The following TOP2B variants were observed in gnomAD, a reference collection of about 807,000 sequenced individuals.
TOP2B encodes the protein DNA topoisomerase II beta.
A neutral mutation model predicts 193.5 loss-of-function variants in TOP2B; 51 were observed. The ratio of observed to expected loss-of-function variants is 0.26; its 90% CI spans 0.21 to 0.33. TOP2B has a LOEUF of 0.33. Among genes scored for constraint, TOP2B ranks in the 10% least tolerant of loss-of-function variants. The probability of loss-of-function intolerance (pLI) is 1.00; values close to 1 mark genes in which losing one functional copy is unlikely to be tolerated. For synonymous variants in TOP2B, 634 were observed against 635.7 expected (o/e 1.00, Z 0.04); for missense variants, 1,378 against 1,909.3 (o/e 0.72, Z 5.19).
chr3:25,653,135 G>A (rs141162568), intron 1 of TOP2B, among the ~76,000 whole-genome samples: 2,392 of 152,218 alleles, frequency 0.016, 88 homozygotes, highest in Admixed American at 0.091. Flanking sequence ...AGATGAAACA[G>A]TAATCAAAAA....
At chr3:25,662,573 T>G (rs1703948421) in intron 1 of TOP2B, among the ~76,000 whole-genome samples, 1 of 152,234 alleles carries the variant, frequency 6.6e-6, no homozygotes, top group South Asian at 2.1e-4. Flanking sequence ...TAAGTCAATT[T>G]CAGTTTCAAA....
At chr3:25,600,557 G>A (rs533051561) in intron 34 of TOP2B, among the ~76,000 whole-genome samples, 27 of 152,182 alleles carry the variant, frequency 1.8e-4, no homozygotes, top group Non-Finnish European at 3.8e-4. Context: ...ATAAAAGGTA[G>A]AGCAGCTACC....
At position 25,644,537 on chromosome 3, in the gene TOP2B, C is replaced by G. The variant is rs1703356987; in HGVS notation, c.241-753G>C. On this transcript the variant is annotated intron_variant, in intron 2 of 35. Transcript: ENST00000264331. ...CCAACATGGCAAAACACTGTCTCTA[C>G]TAACAACACAAAAATTAGCCAGGCG... Among the ~76,000 whole-genome samples, 4 of 152,038 alleles carry G rather than the reference C, an allele frequency of 2.6e-5. No individual in the cohort carries two copies. In the South Asian group the frequency reaches 8.3e-4, roughly 32 times the overall value.
At position 25,604,936 on chromosome 3, in the gene TOP2B, C is replaced by G. The variant is rs528363223; in HGVS notation, c.4379-66G>C. 1.3e-5 allele frequency: 15 copies of G among 1,158,880 alleles called. No individual in the cohort carries two copies. In the Admixed American group the frequency reaches 1.4e-4, roughly 10 times the overall value. The allele number at this position is 1,158,880 out of a possible 1,614,324, so 71.8% of individuals were successfully genotyped here. A position where few individuals can be genotyped will look rare whatever the true frequency, so the allele number is the denominator to read the frequency against. ...AAAGATCTCTCAGTAAACTTTGACTCTTTTAACTGATGACTTCCCTTTAGC... is the reference window on the plus strand; with the variant it reads ...AAAGATCTCTCAGTAAACTTTGACTGTTTTAACTGATGACTTCCCTTTAGC... On this transcript the variant is annotated intron_variant, in intron 32 of 35. Transcript: ENST00000264331.
At position 25,604,822 on chromosome 3, in the gene TOP2B, G is replaced by A. The variant is rs745398662; in HGVS notation, c.4427C>T (p.Ser1476Leu). The A allele has an allele frequency of 1.2e-6, 2 of 1,612,694 alleles. No individual in the cohort carries two copies. Among genetic ancestry groups the A allele is most frequent in the Non-Finnish European group, 1.7e-6 (2 of 1,179,328 alleles). ...TGTCTGTTTCAGACCAAATGATGGTGAAAAAACAGAAGCAGAATCTTCTTC... is the reference window on the plus strand; with the variant it reads ...TGTCTGTTTCAGACCAAATGATGGTAAAAAAACAGAAGCAGAATCTTCTTC... ...SNEEDSASVFSPSFGLKQTDK... is the reference protein window; with the variant it reads ...SNEEDSASVFLPSFGLKQTDK... The change falls in exon 33 of 36, where the codon TCA becomes TTA. Residue 1476 changes from serine to leucine, a missense_variant. This residue lies in a region of TOP2B where 556 missense variants were observed against 584.2 expected (regional missense o/e 0.95). Coordinates refer to ENST00000264331, the MANE Select transcript of TOP2B (RefSeq NM_001330700.2).
intron 2 of TOP2B, 62 bp from the exon 3 acceptor site, chr3:25,643,846 T>C (rs1468945348): frequency 2.3e-5 from 28 of 1,218,174 alleles, no homozygotes; most frequent in Non-Finnish European, 3.3e-5. Context: ...TTTTTCATAG[T>C]ATAATCCACA....
intron 23 of TOP2B, among the ~76,000 whole-genome samples, chr3:25,619,541 G>C (rs1702602113): frequency 6.6e-6 from 1 of 152,008 alleles, no homozygotes; most frequent in Non-Finnish European, 1.5e-5. Context: ...CAGTTAAAAT[G>C]CTAATAGAGA....
At chr3:25,601,909 G>A (rs976850082) in intron 33 of TOP2B, among the ~76,000 whole-genome samples, 2 of 152,080 alleles carry the variant, frequency 1.3e-5, no homozygotes, top group African/African-American at 4.8e-5. Flanking sequence ...AGAAAAAAAT[G>A]TATGGGATCC....
intron 1 of TOP2B, among the ~76,000 whole-genome samples, chr3:25,656,033 C>CA (rs900795265): frequency 6.6e-6 from 1 of 151,256 alleles, no homozygotes; most frequent in Non-Finnish European, 1.5e-5. Context: ...TTTTTTACAA[C>CA]AAAAAAAATT....
Position 25,635,950 on chromosome 3 carries a change from C to G in TOP2B, c.838G>C (p.Gly280Arg), listed in dbSNP as rs867773200. 6.2e-7 allele frequency: 1 copy of G among 1,612,714 alleles called. No individual in the cohort carries two copies. The highest frequency in any genetic ancestry group is 8.5e-7 in the Non-Finnish European group (1 of 1,179,094). The change falls in exon 7 of 36, where the codon GGA becomes CGA. Residue 280 changes from glycine (G) to arginine (R), a missense_variant. Physicochemically the swap from Gly to Arg is moderately radical, Grantham distance 125 (BLOSUM62 -2). Transcript: ENST00000264331. ...SCRGVKVMFN[G>R]KKLPVNGFRS... ...AGGACACTTACAGGCAATTTCTTTC[C>G]ATTAAACATGACCTTGACCCCTCTA...
chr3:25,638,777 T>C (rs1163653987), intron 4 of TOP2B, among the ~76,000 whole-genome samples: 4 of 152,180 alleles, frequency 2.6e-5, no homozygotes, highest in African/African-American at 4.8e-5. Flanking sequence ...TGGAACTGGC[T>C]ATCAAACTCA....
chr3:25,661,395 AT>A (rs1026354095), intron 1 of TOP2B, among the ~76,000 whole-genome samples: 6 of 152,266 alleles, frequency 3.9e-5, no homozygotes, highest in African/African-American at 1.4e-4. Flanking sequence ...TCCATTAAAA[AT>A]TTTTTTTAAT....
chr3:25,598,538 CTATCACTCCT>C, intron 35 of TOP2B, 61 bp from the exon 36 acceptor site: 1 of 1,313,092 alleles, frequency 7.6e-7, no homozygotes, highest in Non-Finnish European at 1.0e-6. Flanking sequence ...GTATTAAGAA[CTATCACTCCT>C]TAAACTTCGC....
At chr3:25,605,391 C>A (rs1559491298) in intron 32 of TOP2B, among the ~76,000 whole-genome samples, 1 of 152,000 alleles carries the variant, frequency 6.6e-6, no homozygotes, top group African/African-American at 2.4e-5. Flanking sequence ...TTCCCTAACA[C>A]CATAGCACAA....
chr3:25,659,171 T>C (rs1353187295), intron 1 of TOP2B, among the ~76,000 whole-genome samples: 1 of 152,120 alleles, frequency 6.6e-6, no homozygotes, highest in Non-Finnish European at 1.5e-5. Flanking sequence ...CCCTCAAGGC[T>C]GCCATCCCAT....
At chr3:25,605,839 A>T (rs1263634591) in intron 32 of TOP2B, among the ~76,000 whole-genome samples, 2 of 152,112 alleles carry the variant, frequency 1.3e-5, no homozygotes, top group Non-Finnish European at 2.9e-5. Flanking sequence ...AAATGCTTCC[A>T]TAATGCCTAT....
chr3:25,611,461 T>G (rs549518421), intron 28 of TOP2B, among the ~76,000 whole-genome samples: 1 of 152,178 alleles, frequency 6.6e-6, no homozygotes, highest in African/African-American at 2.4e-5. Flanking sequence ...TCTAGCTCTT[T>G]AGGCTCATTT....
At chr3:25,660,103 CTTCGATTCAGAAAAATTAAGTT>C (rs1703865230) in intron 1 of TOP2B, among the ~76,000 whole-genome samples, 1 of 152,170 alleles carries the variant, frequency 6.6e-6, no homozygotes, top group South Asian at 2.1e-4. Context: ...GGTGAACATA[CTTCGATTCAGAAAAATTAAGTT>C]TATTAAAAAC....
chr3:25,625,625 A>G (rs1702781552), intron 18 of TOP2B, among the ~76,000 whole-genome samples: 1 of 152,060 alleles, frequency 6.6e-6, no homozygotes, highest in Admixed American at 6.6e-5. Context: ...CTCATCAGCT[A>G]TCGTTAGTGT....
Sources: gnomAD v4.1 joint callset for allele counts (sites outside exome capture counted in the v4.1 genomes callset) on GRCh38, gnomAD v4.1.1 for gene constraint, gnomAD v4.1.1 regional missense constraint, MANE v1.5 for transcripts, NCBI Gene and HGNC (gene_info 2026-07-23, HGNC 2026-07-21) for gene names.